PLXNB3: variants seen among roughly 807,000 people sequenced by gnomAD.
The protein encoded by PLXNB3 is plexin B3.
PLXNB3 carries 80 observed loss-of-function variants against 125.7 expected under a neutral mutation model. The ratio of observed to expected loss-of-function variants is 0.64; its 90% CI spans 0.53 to 0.77. The LOEUF is 0.77. Ranked by LOEUF, PLXNB3 falls within the 30% of genes least tolerant of loss-of-function variation. The pLI is 0.00. For synonymous variants in PLXNB3, 954 were observed against 783.3 expected (o/e 1.22, Z -3.64); for missense variants, 1,836 against 1,729.3 (o/e 1.06, Z -1.09).
chrX:153,769,893 T>C lies in PLXNB3; in HGVS notation c.1583T>C (p.Ile528Thr), dbSNP rs782013908. 8.3e-7 allele frequency: 1 copy of C among 1,207,176 alleles called. No individual in the cohort carries two copies. The highest frequency in any genetic ancestry group is 1.7e-5 in the African/African-American group (1 of 57,204). ...GAGGAGGACAGCCACTGCCTGCACA[T>C]CCAGAGCCTGCTGCCGGGCCACCAC... ...SYEEDSHCLH[I>T]QSLLPGHHPR... The change falls in exon 7 of 36, where the codon ATC becomes ACC. Residue 528 changes from isoleucine to threonine, a missense_variant. Transcript: ENST00000361971.
In PLXNB3 at chrX:153,767,232, G is replaced by A. The variant is rs1557059555; in HGVS notation, c.405G>A (p.Val135=). The part of the protein sequence containing the change: ...RAQELVACGQ[V]RQGVCETRRL... ...AGGAGCTGGTGGCCTGCGGGCAGGTGCGGCAGGGCGTGTGTGAGACACGGC... is the reference window on the plus strand; with the variant it reads ...AGGAGCTGGTGGCCTGCGGGCAGGTACGGCAGGGCGTGTGTGAGACACGGC... The change falls in exon 3 of 36, where the codon GTG becomes GTA. Residue 135 remains valine, a synonymous_variant. Coordinates refer to ENST00000361971, the MANE Select transcript of PLXNB3 (RefSeq NM_005393.3). 3 of 1,202,448 alleles carry A rather than the reference G, an allele frequency of 2.5e-6. No individual in the cohort carries two copies. The highest frequency in any genetic ancestry group is 3.4e-6 in the Non-Finnish European group (3 of 891,518).
intron 14 of PLXNB3, 43 bp from the exon 15 acceptor site, chrX:153,771,821 G>A (rs782768118): frequency 2.4e-5 from 28 of 1,186,627 alleles, no homozygotes; most frequent in South Asian, 1.8e-4. Context: ...AGAGTGGAGC[G>A]TGGGTGCGGG....
In PLXNB3 at chrX:153,777,511, T is replaced by C. The variant is rs369372172; in HGVS notation, c.5101-17T>C. 2.8e-5 allele frequency: 34 copies of C among 1,208,841 alleles called. No homozygotes were observed. The African/African-American group carries it at 5.6e-4, about 20-fold the overall frequency. On this transcript the variant is annotated splice_polypyrimidine_tract_variant and intron_variant, in intron 30 of 35. Coordinates refer to ENST00000361971, the MANE Select transcript of PLXNB3 (RefSeq NM_005393.3). ...CACACCCTGCCCTCCACACAGCCCT[T>C]ATCCCCTGCCTCGCAGGGCACGCTG...
chrX:153,769,917 AC>A lies in PLXNB3; in HGVS notation c.1612del (p.Arg538AlafsTer67). 1 of 1,205,551 alleles carries A rather than the reference AC, an allele frequency of 8.3e-7. No individual in the cohort carries two copies. Among genetic ancestry groups the A allele is most frequent in the South Asian group, 1.8e-5 (1 of 56,327 alleles). ...ATCCAGAGCCTGCTGCCGGGCCACC[AC>A]CCCCGCCAGGAGCAGGGCCAGGTAA... The part of the protein sequence containing the change: ...LHIQSLLPGH[H>X]PRQEQGQVTL... On this transcript the variant is annotated frameshift_variant, in exon 7 of 36. Coordinates refer to ENST00000361971, the MANE Select transcript of PLXNB3 (RefSeq NM_005393.3). LOFTEE classifies it high-confidence loss of function.
intron 12 of PLXNB3, 82 bp from the exon 13 acceptor site, chrX:153,771,226 TCA>T: frequency 1.1e-6 from 1 of 950,983 alleles, no homozygotes; most frequent in Admixed American, 2.2e-5. Flanking sequence ...ACAATCACAT[TCA>T]TTCTGGGGGG....
In PLXNB3 at chrX:153,773,606, G is replaced by C. The variant is rs782580336; in HGVS notation, c.3172G>C (p.Val1058Leu). ...TGTGTGGCTGGAGGCTGACGCAGAG[G>C]TGCAGGCTTCCAGGGCCCAGCCCCA... ...LSVWLEADAE[V>L]QASRAQPQDP... The change falls in exon 19 of 36, where the codon GTG becomes CTG. Residue 1058 changes from valine to leucine, a missense_variant. Transcript: ENST00000361971. 1.7e-6 allele frequency: 2 copies of C among 1,206,180 alleles called. No individual in the cohort carries two copies. The highest frequency in any genetic ancestry group is 2.2e-5 in the Admixed American group (1 of 45,615).
chrX:153,770,528 G>C lies in PLXNB3; in HGVS notation c.1896G>C (p.Pro632=). 1.7e-6 allele frequency: 2 copies of C among 1,210,582 alleles called. No homozygotes were observed. The highest frequency in any genetic ancestry group is 2.2e-6 in the Non-Finnish European group (2 of 895,017). ...SAVQALEAAA[P]CRACVGSIWR... is the part of the protein sequence containing the mutation. ...TTGAGCAGCCACCCTGCCCCTCTAG[G>C]TGTCGCGCTTGCGTGGGCAGCATCT... The change falls in exon 10 of 36, where the codon CCG becomes CCC. Residue 632 remains proline (P), a splice_region_variant and synonymous_variant. Transcript: ENST00000361971.
intron 2 of PLXNB3, 33 bp from the exon 3 acceptor site, chrX:153,766,840 G>A (rs1426310304): frequency 3.2e-5 from 37 of 1,147,344 alleles, no homozygotes; most frequent in Admixed American, 8.0e-5. Context: ...TCTGCCTTGC[G>A]CTCCCACTGC....
chrX:153,769,375 C>A (rs1036061424), intron 6 of PLXNB3, 113 bp downstream of exon 6: 21 of 567,244 alleles, frequency 3.7e-5, no homozygotes, highest in Non-Finnish European at 5.4e-5. Flanking sequence ...GTTGGAGAGA[C>A]TCAGGGCCAC....
At chrX:153,765,693 A>G in intron 2 of PLXNB3, 113 bp downstream of exon 2, 1 of 1,152,768 alleles carries the variant, frequency 8.7e-7, no homozygotes, top group Admixed American at 2.6e-5. Flanking sequence ...CATGGCAGAC[A>G]CTGCCCCAGA....
intron 17 of PLXNB3, 79 bp downstream of exon 17, chrX:153,773,095 T>A (rs1436745720): frequency 2.8e-6 from 3 of 1,078,036 alleles, no homozygotes; most frequent in South Asian, 2.3e-5. Flanking sequence ...AGAGAAGTGG[T>A]TGCTGTGGCC....
chrX:153,766,741 C>T, intron 2 of PLXNB3, 132 bp from the exon 3 acceptor site: 2 of 1,075,180 alleles, frequency 1.9e-6, no homozygotes, highest in Non-Finnish European at 1.2e-6. Context: ...CACTCTCTCT[C>T]ATTCTCCATC....
chrX:153,766,886 C>T lies in PLXNB3; in HGVS notation c.59C>T (p.Ala20Val). 3.3e-6 allele frequency: 4 copies of T among 1,199,854 alleles called. No individual in the cohort carries two copies. Among genetic ancestry groups the T allele is most frequent in the South Asian group, 3.6e-5 (2 of 55,460 alleles). ...GCCCTCTCACAGGCCCCCGTGATGGCTCGCTGGCCTCCCTTCGGCCTCTGC... is the reference window on the plus strand; with the variant it reads ...GCCCTCTCACAGGCCCCCGTGATGGTTCGCTGGCCTCCCTTCGGCCTCTGC... ...LLHHFMAPVM[A>V]RWPPFGLCLL... The change falls in exon 3 of 36, where the codon GCT becomes GTT. Residue 20 changes from alanine (A) to valine (V), a missense_variant. By Grantham distance (64) the Ala-to-Val change is moderately conservative. Coordinates refer to ENST00000361971, the MANE Select transcript of PLXNB3 (RefSeq NM_005393.3).
In PLXNB3 at chrX:153,775,070, C is replaced by T. The variant is rs2091971496; in HGVS notation, c.4122C>T (p.Ser1374=). The change falls in exon 24 of 36, where the codon TCC becomes TCT. Residue 1374 remains serine, a synonymous_variant. Coordinates refer to ENST00000361971, the MANE Select transcript of PLXNB3 (RefSeq NM_005393.3). ...TGCGCCAGGGCCTCACGCAGCTCTC[C>T]AACCTGCTCAACAGCAAGCTCTTCC... ...ATVRQGLTQL[S]NLLNSKLFLL... is the part of the protein sequence containing the mutation. 1 of 1,205,806 alleles carries T rather than the reference C, an allele frequency of 8.3e-7. No homozygotes were observed. The highest frequency in any genetic ancestry group is 1.7e-5 in the African/African-American group (1 of 57,676).
At chrX:153,766,386 A>G in intron 2 of PLXNB3, 1 of 1,086,873 alleles carries the variant, frequency 9.2e-7, no homozygotes, top group African/African-American at 1.9e-5. Flanking sequence ...CTCTCACCTG[A>G]CTTAGATCTC....
At position 153,770,761 on chromosome X, in the gene PLXNB3, G is replaced by T. The variant is rs895001229; in HGVS notation, c.2014G>T (p.Asp672Tyr). 5.0e-6 allele frequency: 6 copies of T among 1,204,873 alleles called. No homozygotes were observed. Among genetic ancestry groups the T allele is most frequent in the Non-Finnish European group, 6.7e-6 (6 of 890,721 alleles). The change falls in exon 11 of 36, where the codon GAC becomes TAC. Residue 672 changes from aspartate (D) to tyrosine (Y), a missense_variant. Physicochemically the swap from Asp to Tyr is radical, Grantham distance 160 (BLOSUM62 -3). Coordinates refer to ENST00000361971, the MANE Select transcript of PLXNB3 (RefSeq NM_005393.3). Reference sequence around the variant, plus strand: ...CTGAGGGCTCTTGTTTTCCCAGGTGGACATCCAGGTGCGTGGCCCAGGGGC... The same window carrying T: ...CTGAGGGCTCTTGTTTTCCCAGGTGTACATCCAGGTGCGTGGCCCAGGGGC... ...ERTIYSAQEVDIQVRGPGACP... is the reference protein window; with the variant it reads ...ERTIYSAQEVYIQVRGPGACP...
In PLXNB3 at chrX:153,766,259, C is replaced by T. The variant is rs376320278; in HGVS notation, c.46-614C>T. 1.8e-5 allele frequency: 21 copies of T among 1,165,467 alleles called. 1 individual carries two copies. The highest frequency in any genetic ancestry group is 3.8e-5 in the South Asian group (2 of 52,411). On this transcript the variant is annotated intron_variant, in intron 2 of 35. Coordinates refer to ENST00000361971, the MANE Select transcript of PLXNB3 (RefSeq NM_005393.3). ...GCTGACTTGCTCCTTGCTCAGCCCG[C>T]GGCTGCCTGGCTCTTTCCCCCAGCT...
chrX:153,777,071 AC>A, intron 29 of PLXNB3, 91 bp downstream of exon 29: 1 of 941,079 alleles, frequency 1.1e-6, no homozygotes, highest in Non-Finnish European at 1.4e-6. Flanking sequence ...TTCATCCCCC[AC>A]CCCACCGAGA....
At chrX:153,766,678 T>A (rs1382851250) in intron 2 of PLXNB3, 195 bp from the exon 3 acceptor site, 1 of 741,667 alleles carries the variant, frequency 1.3e-6, no homozygotes, top group African/African-American at 2.4e-5. Flanking sequence ...ACTGTCTTTG[T>A]CCCTCCTTAT....
Sources: allele counts gnomAD v4.1 joint callset, GRCh38; gene constraint gnomAD v4.1.1; transcripts MANE v1.5; gene names NCBI Gene and HGNC (gene_info 2026-07-23, HGNC 2026-07-21).